SLC22A25: variants seen among roughly 807,000 people sequenced by gnomAD.
SLC22A25 encodes the protein solute carrier family 22 member 25, also known as MGI:2442751, MGI:2385316, MGI:3042283, MGI:3645714, MGI:3605624, MGI:2442750.
A neutral mutation model predicts 45.9 loss-of-function variants in SLC22A25; 44 were observed. The observed-to-expected ratio is 0.96, with a 90% CI of 0.75 to 1.23. SLC22A25 has a LOEUF of 1.23. SLC22A25 is among the 50% of genes most tolerant of loss of function. SLC22A25 has a pLI of 0.00. For synonymous variants in SLC22A25, 283 were observed against 238.6 expected (o/e 1.19, Z -1.72); for missense variants, 800 against 666.4 (o/e 1.20, Z -2.21).
chr11:63,227,599 C>T (rs1423629607), intron 5 of SLC22A25, among the ~76,000 whole-genome samples: 5 of 152,194 alleles, frequency 3.3e-5, no homozygotes, highest in Non-Finnish European at 5.9e-5. Context: ...GTGCAAGGTG[C>T]ATTGTCTGTG....
At chr11:63,174,387 A>T (rs1180340464) in intron 9 of SLC22A25, among the ~76,000 whole-genome samples, 1 of 152,278 alleles carries the variant, frequency 6.6e-6, no homozygotes, top group Middle Eastern at 3.4e-3. Context: ...TAAATTGCAC[A>T]TAGATCAGAT....
chr11:63,207,641 A>G (rs993091645), intron 7 of SLC22A25, among the ~76,000 whole-genome samples: 9 of 152,142 alleles, frequency 5.9e-5, no homozygotes, highest in East Asian at 3.9e-4. Flanking sequence ...AGAAAACCCA[A>G]TTCCCCCTGA....
chr11:63,175,690 G>GT (rs2088058735), intron 9 of SLC22A25, among the ~76,000 whole-genome samples: 2 of 151,920 alleles, frequency 1.3e-5, no homozygotes, highest in Admixed American at 1.3e-4. Context: ...ATGTCATGAA[G>GT]CTTTTCACCT....
chr11:63,204,282 C>T lies in SLC22A25; in HGVS notation c.830+13032G>A, dbSNP rs11523966. ...GCAAAATAACCAGCTAGCATCATAA[C>T]GACACTATGAAATTCACATATAACC... On this transcript the variant is annotated intron_variant, in intron 7 of 11. Transcript: ENST00000306494. Among the ~76,000 whole-genome samples the T allele has an allele frequency of 6.6e-3, 999 of 152,166 alleles. 9 individuals carry two copies. The highest frequency in any genetic ancestry group is 0.034 in the Middle Eastern group (10 of 294).
chr11:63,186,255 AT>A (rs1241402939), intron 7 of SLC22A25, among the ~76,000 whole-genome samples: 1 of 147,514 alleles, frequency 6.8e-6, no homozygotes, highest in Admixed American at 6.8e-5. Context: ...GTGAGATGGT[AT>A]CTCATTGTGG....
chr11:63,198,983 C>A (rs960093137), intron 7 of SLC22A25, among the ~76,000 whole-genome samples: 2 of 151,996 alleles, frequency 1.3e-5, no homozygotes, highest in African/African-American at 4.8e-5. Flanking sequence ...AACCTGACAT[C>A]ACAACTGAAA....
intron 7 of SLC22A25, among the ~76,000 whole-genome samples, chr11:63,215,961 T>G (rs935071316): frequency 5.3e-5 from 8 of 152,220 alleles, no homozygotes; most frequent in African/African-American, 1.9e-4. Flanking sequence ...TTCTTTTTTA[T>G]GGTTGCATAA....
In SLC22A25 at chr11:63,163,971, G is replaced by T; in HGVS notation, c.1497C>A (p.Ile499=). The change falls in exon 12 of 12, where the codon ATC becomes ATA. Residue 499 remains isoleucine, a synonymous_variant. Transcript: ENST00000306494. ...AGAGGATGGCAAAGACTCCATAGAT[G>T]ATCCAGGGCAGGGGTCGAGAATATA... ...LSIYSRPLPW[I]IYGVFAILSG... is the part of the protein sequence containing the mutation. 6.2e-7 allele frequency: 1 copy of T among 1,613,884 alleles called. No individual in the cohort carries two copies. Among genetic ancestry groups the T allele is most frequent in the Non-Finnish European group, 8.5e-7 (1 of 1,179,894 alleles).
chr11:63,236,264 G>T (rs565519882), intron 3 of SLC22A25, among the ~76,000 whole-genome samples: 1 of 152,206 alleles, frequency 6.6e-6, no homozygotes, highest in Non-Finnish European at 1.5e-5. Context: ...AAGCAGGCAG[G>T]CCTCCTTGAG....
At chr11:63,236,646 T>A (rs2090169412) in intron 3 of SLC22A25, among the ~76,000 whole-genome samples, 1 of 151,738 alleles carries the variant, frequency 6.6e-6, no homozygotes, top group Non-Finnish European at 1.5e-5. Context: ...CTGCACCCAC[T>A]GTCCTGCACC....
chr11:63,189,382 G>GT lies in SLC22A25; in HGVS notation c.831-5566dup, dbSNP rs1381175440. The stretch of plus-strand genomic sequence containing the variant: ...AGGATTGCTACCCCTGCTTTTTTTT[G>GT]TTTCCATTTGCTTGGTAGATCTTCC... On this transcript the variant is annotated intron_variant, in intron 7 of 11. Transcript: ENST00000306494. Among the ~76,000 whole-genome samples, 21 of 147,536 alleles carry GT rather than the reference G, an allele frequency of 1.4e-4. 4 individuals carry two copies. The highest frequency in any genetic ancestry group is 1.3e-3 in the Admixed American group (20 of 14,958).
intron 7 of SLC22A25, among the ~76,000 whole-genome samples, chr11:63,206,941 C>T (rs947450199): frequency 7.9e-5 from 12 of 152,126 alleles, no homozygotes; most frequent in African/African-American, 2.7e-4. Context: ...ATACATAGAC[C>T]ACTTGAACAG....
intron 3 of SLC22A25, among the ~76,000 whole-genome samples, chr11:63,236,249 T>C (rs1398202800): frequency 6.6e-6 from 1 of 152,204 alleles, no homozygotes; most frequent in Non-Finnish European, 1.5e-5. Context: ...AGGTGGAGCC[T>C]ACAGAAGCAG....
At chr11:63,234,038 G>A (rs1301097844) in intron 3 of SLC22A25, among the ~76,000 whole-genome samples, 4 of 152,206 alleles carry the variant, frequency 2.6e-5, no homozygotes, top group Admixed American at 1.3e-4. Context: ...CATTTGCTGA[G>A]GAGAGCTTTA....
intron 7 of SLC22A25, among the ~76,000 whole-genome samples, chr11:63,187,169 A>T (rs940639094): frequency 6.6e-6 from 1 of 152,060 alleles, no homozygotes; most frequent in African/African-American, 2.4e-5. Context: ...GAATCTTCCT[A>T]CCCATGAGCA....
chr11:63,169,071 G>A (rs1827610030), intron 9 of SLC22A25, among the ~76,000 whole-genome samples: 2 of 152,202 alleles, frequency 1.3e-5, no homozygotes, highest in Admixed American at 1.3e-4. Context: ...GCCAAACTAA[G>A]CTTCATAAGC....
chr11:63,215,254 A>G (rs1272806502), intron 7 of SLC22A25, among the ~76,000 whole-genome samples: 4 of 152,182 alleles, frequency 2.6e-5, no homozygotes, highest in Non-Finnish European at 2.9e-5. Flanking sequence ...ATGCAGCCAT[A>G]AAAAAGGATG....
chr11:63,220,579 G>T (rs948657925), intron 5 of SLC22A25, among the ~76,000 whole-genome samples: 2 of 152,110 alleles, frequency 1.3e-5, no homozygotes, highest in African/African-American at 4.8e-5. Flanking sequence ...GGTAAATGGG[G>T]CACCCATCAC....
chr11:63,177,224 A>G (rs1037960521), intron 9 of SLC22A25, among the ~76,000 whole-genome samples: 1 of 151,934 alleles, frequency 6.6e-6, no homozygotes, highest in South Asian at 2.1e-4. Flanking sequence ...TAAATTTTTA[A>G]TGTTTATGGA....
Sources: allele counts gnomAD v4.1 joint callset (sites outside exome capture counted in the v4.1 genomes callset), GRCh38; gene constraint gnomAD v4.1.1; transcripts MANE v1.5; gene names NCBI Gene and HGNC (gene_info 2026-07-23, HGNC 2026-07-21).